The following DNAH12 variants were observed in gnomAD, a reference collection of about 807,000 sequenced individuals.
DNAH12 encodes the protein axonemal beta dynein heavy chain 12.
In DNAH12, 285 loss-of-function variants were observed where a neutral mutation model predicts 371.5. The observed-to-expected ratio is 0.77, with a 90% CI of 0.70 to 0.85. DNAH12 has a LOEUF of 0.85. Among genes scored for constraint, DNAH12 ranks in the 40% least tolerant of loss-of-function variants. The pLI, the probability that DNAH12 is intolerant of heterozygous loss-of-function variation, is 0.00. For missense variants in DNAH12, 3,611 were observed against 3,689.4 expected, an observed-to-expected ratio of 0.98 and a Z score of 0.55; for synonymous variants, 1,200 against 1,213.0, an observed-to-expected ratio of 0.99 and a Z score of 0.22.
At chr3:57,502,537 T>G in intron 9 of DNAH12, 58 bp from the exon 10 acceptor site, 1 of 1,508,324 alleles carries the variant, frequency 6.6e-7, no homozygotes, top group East Asian at 2.5e-5. Flanking sequence ...GTATAATTAA[T>G]CTATATGTAG....
intron 4 of DNAH12, chr3:57,519,975 G>A (rs1488537437): frequency 2.4e-6 from 2 of 840,338 alleles, no homozygotes; most frequent in Non-Finnish European, 4.0e-6. Context: ...GAGAGGTCAG[G>A]GCGTAGGGTT....
At chr3:57,456,344 ACACT>A (rs1473791577) in intron 22 of DNAH12, among the ~76,000 whole-genome samples, 1 of 152,208 alleles carries the variant, frequency 6.6e-6, no homozygotes, top group Non-Finnish European at 1.5e-5. Context: ...AAGAAAAAGA[ACACT>A]CACTCACATA....
Position 57,310,854 on chromosome 3 carries a change from T to C in DNAH12, c.10759A>G (p.Arg3587Gly). The change falls in exon 67 of 74, where the codon AGA (arginine) becomes GGA (glycine). Residue 3587 changes from arginine (R) to glycine (G), a missense_variant. By Grantham distance (125) the Arg-to-Gly change is moderately radical. Transcript: ENST00000495027. ...GCCAGCATGGTTAATAGAAGACGTC[T>C]GTCCCAATCGTCTGTCACTCTTCCT... ...YGGRVTDDWD[R>G]RLLLTMLADF... 1 of 1,551,640 alleles carries C rather than the reference T, an allele frequency of 6.4e-7. No individual in the cohort carries two copies. Among genetic ancestry groups the C allele is most frequent in the Non-Finnish European group, 8.7e-7 (1 of 1,146,924 alleles).
At chr3:57,553,658 G>A in the DNAH12 span, among the ~76,000 whole-genome samples, 1 of 152,100 alleles carries the variant, frequency 6.6e-6, no homozygotes. Flanking sequence ...GGTTTCAGGG[G>A]AGCCCCGCAG....
intron 4 of DNAH12, among the ~76,000 whole-genome samples, chr3:57,518,793 G>C (rs2153396778): frequency 6.6e-6 from 1 of 152,268 alleles, no homozygotes; most frequent in East Asian, 1.9e-4. Flanking sequence ...GAGTCTTATG[G>C]AGGAAGCTTG....
At chr3:57,383,305 C>T (rs917350303) in intron 49 of DNAH12, among the ~76,000 whole-genome samples, 7 of 152,138 alleles carry the variant, frequency 4.6e-5, no homozygotes, top group Middle Eastern at 3.4e-3. Flanking sequence ...TCAGGTAATA[C>T]AGCATTTGAT....
At chr3:57,479,282 TA>T (rs1425819485) in intron 13 of DNAH12, among the ~76,000 whole-genome samples, 4 of 151,952 alleles carry the variant, frequency 2.6e-5, no homozygotes, top group Non-Finnish European at 5.9e-5. Context: ...TAGTCTCTGA[TA>T]AAACAGACTT....
intron 49 of DNAH12, 124 bp downstream of exon 49, chr3:57,384,705 C>T (rs2063467357): frequency 6.6e-6 from 1 of 152,184 alleles, no homozygotes; most frequent in African/African-American, 2.4e-5. Flanking sequence ...AGCCAAGTTT[C>T]ATTTGACTGG....
chr3:57,545,073 G>A (rs529260578), upstream of DNAH12, among the ~76,000 whole-genome samples: 4 of 151,578 alleles, frequency 2.6e-5, no homozygotes, highest in East Asian at 3.9e-4. Flanking sequence ...TCATTTAAGC[G>A]AGTGAATGAA....
chr3:57,500,162 C>A (rs1446657423), intron 11 of DNAH12, among the ~76,000 whole-genome samples: 1 of 151,326 alleles, frequency 6.6e-6, no homozygotes, highest in East Asian at 1.9e-4. Flanking sequence ...TCCTCAGCCC[C>A]CCCTAGTAGC....
At chr3:57,499,648 A>AAAAAAAAAAATATATATG (rs71088082) in intron 11 of DNAH12, among the ~76,000 whole-genome samples, 1 of 21,298 alleles carries the variant, frequency 4.7e-5, no homozygotes, top group Non-Finnish European at 9.3e-5. Flanking sequence ...AAAAAAAAAA[A>AAAAAAAAAAATATATATG]TATATATATA....
the DNAH12 span, among the ~76,000 whole-genome samples, chr3:57,554,835 T>A: frequency 1.3e-5 from 2 of 152,068 alleles, no homozygotes; most frequent in African/African-American, 4.8e-5. Context: ...CAGGCTGGTC[T>A]CGAACTCCTG....
chr3:57,453,306 C>A lies in DNAH12; in HGVS notation c.3554G>T (p.Gly1185Val). Residue 1185 changes from glycine (G) to valine (V), a missense_variant, in exon 24 of 74, where the codon GGG becomes GTG. Gly to Val is a moderately radical substitution (Grantham distance 109). This residue lies in a region of DNAH12 where 1,314 missense variants were observed against 1,398.7 expected (regional missense o/e 0.94). Coordinates refer to ENST00000495027, the MANE Select transcript of DNAH12 (RefSeq NM_001366028.2). ...KLSKQTRTTLGALVTIDVHAR... is the reference protein window; with the variant it reads ...KLSKQTRTTLVALVTIDVHAR... ...ATGGACATCAATAGTAACCAAAGCC[C>A]CCAGAGTGGTCCTGGTCTGCTTAGA... 1 of 1,550,936 alleles carries A rather than the reference C, an allele frequency of 6.4e-7. No individual in the cohort carries two copies. Among genetic ancestry groups the A allele is most frequent in the Non-Finnish European group, 8.7e-7 (1 of 1,146,790 alleles).
intron 13 of DNAH12, among the ~76,000 whole-genome samples, chr3:57,473,030 T>G (rs2066411390): frequency 9.3e-6 from 1 of 107,318 alleles, no homozygotes; most frequent in Admixed American, 9.7e-5. Flanking sequence ...TAAATTATTT[T>G]ATTCTTATAA....
intron 40 of DNAH12, among the ~76,000 whole-genome samples, chr3:57,406,476 G>C (rs2064033399): frequency 6.6e-6 from 1 of 151,886 alleles, no homozygotes; most frequent in African/African-American, 2.4e-5. Flanking sequence ...TTATTAACTT[G>C]AGGGAACTTA....
At chr3:57,435,541 G>A (rs1285148160) in intron 30 of DNAH12, among the ~76,000 whole-genome samples, 1 of 152,146 alleles carries the variant, frequency 6.6e-6, no homozygotes, top group Admixed American at 6.5e-5. Flanking sequence ...AGTAGTTACG[G>A]ATATAGGAAC....
intron 59 of DNAH12, among the ~76,000 whole-genome samples, chr3:57,355,641 G>T (rs1260470323): frequency 2.0e-5 from 3 of 152,118 alleles, no homozygotes; most frequent in African/African-American, 7.2e-5. Flanking sequence ...AATCCAACCA[G>T]CAGTGTAAGA....
chr3:57,356,444 AAAATAAAT>A (rs1174174898), intron 59 of DNAH12, among the ~76,000 whole-genome samples: 15,151 of 137,746 alleles, frequency 0.11, 1,088 homozygotes, highest in Middle Eastern at 0.18. Context: ...CCTTGTCTCA[AAAATAAAT>A]AAATAAATAA....
intron 66 of DNAH12, among the ~76,000 whole-genome samples, chr3:57,314,257 A>G (rs182934364): frequency 6.6e-6 from 1 of 152,084 alleles, no homozygotes; most frequent in Non-Finnish European, 1.5e-5. Flanking sequence ...GTCCTTCTGC[A>G]CCTCTTTATT....
Sources: gnomAD v4.1 joint callset for allele counts (sites outside exome capture counted in the v4.1 genomes callset) on GRCh38, gnomAD v4.1.1 for gene constraint, gnomAD v4.1.1 regional missense constraint, MANE v1.5 for transcripts, NCBI Gene and HGNC (gene_info 2026-07-23, HGNC 2026-07-21) for gene names.